Variants in ASIC2 observed in about 807,000 individuals in gnomAD.
The protein encoded by ASIC2 is acid sensing ion channel subunit 2, also known as acid-sensing ion channel 2.
ASIC2 carries 25 observed loss-of-function variants against 57.3 expected under a neutral mutation model. That is an observed-to-expected ratio of 0.44 (90% CI 0.32 to 0.61). The LOEUF is 0.61. Among genes scored for constraint, ASIC2 ranks in the 20% least tolerant of loss-of-function variants. ASIC2 has a pLI of 0.06. For synonymous variants in ASIC2, 319 were observed against 307.5 expected (o/e 1.04, Z -0.39); for missense variants, 641 against 738.1 (o/e 0.87, Z 1.52).
intron 1 of ASIC2, among the ~76,000 whole-genome samples, chr17:33,826,558 A>C (rs1321925190): frequency 2.0e-5 from 3 of 152,114 alleles, no homozygotes; most frequent in Non-Finnish European, 4.4e-5. Context: ...CCTTTATTTC[A>C]CCAATGAGGA....
intron 1 of ASIC2, among the ~76,000 whole-genome samples, chr17:34,152,629 T>G (rs1021344107): frequency 6.6e-6 from 1 of 152,222 alleles, no homozygotes; most frequent in Non-Finnish European, 1.5e-5. Flanking sequence ...GCTGGCACAG[T>G]GTACACATAT....
At chr17:33,284,193 G>A (rs933528499) in intron 1 of ASIC2, among the ~76,000 whole-genome samples, 3 of 152,164 alleles carry the variant, frequency 2.0e-5, no homozygotes, top group Non-Finnish European at 4.4e-5. Context: ...TCCTGAGTAC[G>A]TTAGCAGCCT....
chr17:33,568,971 T>C (rs1308586923), intron 1 of ASIC2, among the ~76,000 whole-genome samples: 1 of 152,206 alleles, frequency 6.6e-6, no homozygotes, highest in Non-Finnish European at 1.5e-5. Flanking sequence ...AGAATTTATT[T>C]CCCTGAAAAT....
At chr17:34,071,757 T>G (rs1191284871) in intron 1 of ASIC2, 1 of 151,564 alleles carries the variant, frequency 6.6e-6, no homozygotes, top group East Asian at 1.9e-4. Flanking sequence ...TTGAACCAGG[T>G]AGATGGAGGT....
intron 1 of ASIC2, among the ~76,000 whole-genome samples, chr17:33,883,982 AG>A (rs35026552): frequency 6.6e-6 from 1 of 152,190 alleles, no homozygotes. Flanking sequence ...ATTCAAATTC[AG>A]GGAGTCTGGC....
chr17:33,953,732 G>A (rs1199457572), intron 1 of ASIC2, among the ~76,000 whole-genome samples: 2 of 152,204 alleles, frequency 1.3e-5, no homozygotes, highest in South Asian at 2.1e-4. Context: ...GAAGAGGCCA[G>A]CTTCCTGAAT....
chr17:33,126,796 A>T (rs569670561), intron 1 of ASIC2, among the ~76,000 whole-genome samples: 1 of 151,430 alleles, frequency 6.6e-6, no homozygotes, highest in South Asian at 2.1e-4. Flanking sequence ...TCTTTTCCAG[A>T]AGGATAATTG....
chr17:33,672,804 G>C (rs1407802733), intron 1 of ASIC2, among the ~76,000 whole-genome samples: 1 of 152,166 alleles, frequency 6.6e-6, no homozygotes, highest in African/African-American at 2.4e-5. Context: ...GTCTGGCGTT[G>C]AGATGAGACG....
intron 1 of ASIC2, among the ~76,000 whole-genome samples, chr17:33,151,323 G>A (rs1024427388): frequency 6.6e-6 from 1 of 151,590 alleles, no homozygotes; most frequent in Non-Finnish European, 1.5e-5. Flanking sequence ...ACAGTGAGCC[G>A]AGATAGCGCC....
chr17:33,257,774 C>T (rs1338403586), intron 1 of ASIC2, among the ~76,000 whole-genome samples: 1 of 152,214 alleles, frequency 6.6e-6, no homozygotes, highest in South Asian at 2.1e-4. Flanking sequence ...CCACATCTTC[C>T]TTCACAGCAC....
In ASIC2 at chr17:33,245,189, T is replaced by A. The variant is rs546050536; in HGVS notation, c.708+46219A>T. Among the ~76,000 whole-genome samples the A allele has an allele frequency of 2.6e-5, 4 of 152,276 alleles. No individual in the cohort carries two copies. In the East Asian group the frequency reaches 7.7e-4, roughly 29 times the overall value. On this transcript the variant is annotated intron_variant, in intron 1 of 9. Transcript: ENST00000225823. ...AGTTCTAGTTACTCCTTAAACACAT[T>A]TTCACAGGGACATGGCTGCTGTCTT...
chr17:33,582,284 T>C (rs114243869), intron 1 of ASIC2, among the ~76,000 whole-genome samples: 2,801 of 152,320 alleles, frequency 0.018, 80 homozygotes, highest in African/African-American at 0.061. Context: ...CAGCCTGATA[T>C]GTAGTAAATG....
intron 2 of ASIC2, among the ~76,000 whole-genome samples, chr17:33,098,352 C>T (rs964258796): frequency 1.4e-5 from 2 of 146,426 alleles, no homozygotes; most frequent in African/African-American, 4.9e-5. Context: ...CCTCTCCAAC[C>T]CTTCCCTGAC....
At chr17:33,143,646 C>T (rs1260804470) in intron 1 of ASIC2, among the ~76,000 whole-genome samples, 1 of 152,096 alleles carries the variant, frequency 6.6e-6, no homozygotes, top group Non-Finnish European at 1.5e-5. Flanking sequence ...TCTATACTAC[C>T]GAATCTTTTA....
Position 33,491,492 on chromosome 17 carries a change from G to A in ASIC2, c.556-379425C>T, listed in dbSNP as rs529032278. ...GCATAGACTATTTCTATGGGAGAGC[G>A]GCTAATAAAATAGGAAAAACTCTAA... On this transcript the variant is annotated intron_variant, in intron 1 of 9. Coordinates refer to the ASIC2 transcript ENST00000359872. Among the ~76,000 whole-genome samples, 68 of 152,274 alleles carry A rather than the reference G, an allele frequency of 4.5e-4. 1 individual carries two copies. Among genetic ancestry groups the A allele is most frequent in the African/African-American group, 9.4e-4 (39 of 41,548 alleles).
chr17:33,292,610 C>G lies in ASIC2; in HGVS notation c.-495G>C. The stretch of plus-strand genomic sequence containing the variant: ...CCTGATCTGGACATCCCCAGGGACC[C>G]CACCAGCCCGGCCCGTAGCCCAGCG... On this transcript the variant is annotated 5_prime_UTR_variant, in exon 1 of 10. Coordinates refer to ENST00000225823, the MANE Select transcript of ASIC2 (RefSeq NM_183377.2). 3.0e-6 allele frequency: 3 copies of G among 985,630 alleles called. No homozygotes were observed. The highest frequency in any genetic ancestry group is 3.6e-6 in the Non-Finnish European group (3 of 830,110). 61.1% of individuals were successfully genotyped at this position (985,630 alleles called of 1,614,324 possible).
chr17:33,223,815 C>A (rs1210575357), intron 1 of ASIC2, among the ~76,000 whole-genome samples: 1 of 152,150 alleles, frequency 6.6e-6, no homozygotes, highest in Non-Finnish European at 1.5e-5. Context: ...TTACTAGGAG[C>A]CTCCTCCATG....
At chr17:33,656,823 A>C (rs1480998253) in intron 1 of ASIC2, among the ~76,000 whole-genome samples, 1 of 152,222 alleles carries the variant, frequency 6.6e-6, no homozygotes, top group Admixed American at 6.5e-5. Flanking sequence ...AACCCTAGAC[A>C]AATTCTCTTT....
intron 1 of ASIC2, among the ~76,000 whole-genome samples, chr17:33,322,613 G>T (rs1906914383): frequency 6.6e-6 from 1 of 152,150 alleles, no homozygotes; most frequent in Non-Finnish European, 1.5e-5. Context: ...ACCTTGAGCT[G>T]TATACAGAAT....
Sources: gnomAD v4.1 joint callset for allele counts (sites outside exome capture counted in the v4.1 genomes callset) on GRCh38, gnomAD v4.1.1 for gene constraint, MANE v1.5 for transcripts, NCBI Gene and HGNC (gene_info 2026-07-23, HGNC 2026-07-21) for gene names.